MSRA: variants seen among roughly 807,000 people sequenced by gnomAD.
MSRA encodes methionine sulfoxide reductase A.
A neutral mutation model predicts 31.3 loss-of-function variants in MSRA; 54 were observed. The observed-to-expected ratio is 1.73, with a 90% CI of 1.39 to 2.17. The LOEUF is 2.17. Ranked by LOEUF, MSRA falls within the 30% of genes most tolerant of loss-of-function variation. The pLI is 0.00. For synonymous variants in MSRA, 169 were observed against 116.5 expected (o/e 1.45, Z -2.90); for missense variants, 507 against 300.9 (o/e 1.69, Z -5.07).
At chr8:10,095,219 A>G (rs1449534840) in intron 1 of MSRA, among the ~76,000 whole-genome samples, 1 of 152,170 alleles carries the variant, frequency 6.6e-6, no homozygotes, top group Non-Finnish European at 1.5e-5. Flanking sequence ...GAGAAATTTG[A>G]TTTATTGCAG....
At chr8:10,119,673 G>A (rs542819377) in intron 1 of MSRA, among the ~76,000 whole-genome samples, 1 of 152,318 alleles carries the variant, frequency 6.6e-6, no homozygotes, top group Non-Finnish European at 1.5e-5. Flanking sequence ...ATGATTATTG[G>A]AGAGCACCAG....
chr8:10,080,692 ATTTT>A (rs11296564), intron 1 of MSRA, among the ~76,000 whole-genome samples: 3 of 136,474 alleles, frequency 2.2e-5, no homozygotes, highest in Admixed American at 7.3e-5. Flanking sequence ...TGCCTGGCTA[ATTTT>A]TTTTTTTTTT....
At chr8:10,261,028 T>C (rs1798452023) in intron 3 of MSRA, among the ~76,000 whole-genome samples, 1 of 152,208 alleles carries the variant, frequency 6.6e-6, no homozygotes, top group Non-Finnish European at 1.5e-5. Context: ...CAGAATGAAG[T>C]ATAAAATACA....
At chr8:10,159,809 T>C (rs1398492012) in intron 1 of MSRA, among the ~76,000 whole-genome samples, 1 of 152,232 alleles carries the variant, frequency 6.6e-6, no homozygotes, top group African/African-American at 2.4e-5. Context: ...GGTACAGTGA[T>C]AGAAAACAAT....
chr8:10,128,315 G>A (rs958788753), intron 1 of MSRA, among the ~76,000 whole-genome samples: 11 of 151,796 alleles, frequency 7.2e-5, no homozygotes, highest in African/African-American at 2.7e-4. Context: ...GGAGGCGGAG[G>A]TTGCCCTGAG....
chr8:10,215,763 T>C (rs1809934517), intron 2 of MSRA, among the ~76,000 whole-genome samples: 1 of 152,194 alleles, frequency 6.6e-6, no homozygotes, highest in Non-Finnish European at 1.5e-5. Context: ...TCTTTTGGCC[T>C]CAACTGTAAA....
In MSRA at chr8:10,413,306, C is replaced by T. The variant is rs1299034673; in HGVS notation, c.544-14842C>T. ...GTAAGGAATTCGGTGCCTAACCATT[C>T]GGTGATAATTAGCTAACCACACTGA... is the stretch of plus-strand genomic sequence containing the variant. On this transcript the variant is annotated intron_variant, in intron 5 of 5. Coordinates refer to ENST00000317173, the MANE Select transcript of MSRA (RefSeq NM_012331.5). Among the ~76,000 whole-genome samples, 5 of 152,146 alleles carry T rather than the reference C, an allele frequency of 3.3e-5. No homozygotes were observed. In the South Asian group the frequency reaches 6.2e-4, roughly 19 times the overall value.
chr8:10,062,796 A>C (rs1385724147), intron 1 of MSRA, among the ~76,000 whole-genome samples: 1 of 152,168 alleles, frequency 6.6e-6, no homozygotes, highest in Non-Finnish European at 1.5e-5. Flanking sequence ...CCAGATGAAA[A>C]TGTATGTGAT....
chr8:10,101,872 C>T (rs116256864), intron 1 of MSRA, among the ~76,000 whole-genome samples: 1,546 of 152,042 alleles, frequency 0.01, 26 homozygotes, highest in African/African-American at 0.034. Context: ...TCTCTTTGAG[C>T]TCCTGTTTCC....
chr8:10,354,929 C>T (rs1448883389), intron 5 of MSRA, among the ~76,000 whole-genome samples: 1 of 152,110 alleles, frequency 6.6e-6, no homozygotes, highest in East Asian at 1.9e-4. Context: ...GATGAGCATA[C>T]TTACAGCTGA....
chr8:10,277,202 G>C lies in MSRA; in HGVS notation c.332-24332G>C, dbSNP rs577042868. Among the ~76,000 whole-genome samples, 5 of 152,290 alleles carry C rather than the reference G, an allele frequency of 3.3e-5. No individual in the cohort carries two copies. In the South Asian group the frequency reaches 1.0e-3, roughly 32 times the overall value. On this transcript the variant is annotated intron_variant, in intron 3 of 5. Coordinates refer to ENST00000317173, the MANE Select transcript of MSRA (RefSeq NM_012331.5). Reference sequence around the variant, plus strand: ...AATTTATCCTGGCAAACTTAAGACAGTAATAATCTAAGTCTCGTATCTTTT... The same window carrying C: ...AATTTATCCTGGCAAACTTAAGACACTAATAATCTAAGTCTCGTATCTTTT...
chr8:10,186,599 T>C (rs1247330246), intron 1 of MSRA, among the ~76,000 whole-genome samples: 1 of 152,220 alleles, frequency 6.6e-6, no homozygotes, highest in Non-Finnish European at 1.5e-5. Flanking sequence ...AATTGAGTAG[T>C]AATCCTTTAC....
chr8:10,265,911 C>G (rs1050433769), intron 3 of MSRA, among the ~76,000 whole-genome samples: 1 of 152,212 alleles, frequency 6.6e-6, no homozygotes, highest in African/African-American at 2.4e-5. Flanking sequence ...TTTTGAGATG[C>G]ATCCATGTTC....
chr8:10,425,933 C>G (rs916346723), intron 5 of MSRA, among the ~76,000 whole-genome samples: 5 of 152,116 alleles, frequency 3.3e-5, no homozygotes, highest in African/African-American at 1.2e-4. Context: ...AGGCCCTCAC[C>G]GTGCCTTTTT....
chr8:10,172,711 T>C (rs1805699965), intron 1 of MSRA, among the ~76,000 whole-genome samples: 1 of 152,088 alleles, frequency 6.6e-6, no homozygotes, highest in African/African-American at 2.4e-5. Flanking sequence ...ATGATGGGGA[T>C]AGTGGACTCA....
intron 1 of MSRA, among the ~76,000 whole-genome samples, chr8:10,173,360 A>T (rs926225189): frequency 6.6e-6 from 1 of 152,254 alleles, no homozygotes; most frequent in Non-Finnish European, 1.5e-5. Flanking sequence ...CTGGTGAAGA[A>T]TCTGGGGGTG....
chr8:10,335,250 G>GTTTTTTTTTTTTTTTTTT (rs1170264568), intron 5 of MSRA, among the ~76,000 whole-genome samples: 8 of 79,874 alleles, frequency 1.0e-4, no homozygotes, highest in Non-Finnish European at 1.6e-4. Context: ...TCCCAGCTCT[G>GTTTTTTTTTTTTTTTTTT]TTTTTTTTTT....
rs188386192 is a variant in MSRA at position 10,101,609 on chromosome 8, G to C, written c.142+46951G>C. On this transcript the variant is annotated intron_variant, in intron 1 of 5. Coordinates refer to ENST00000317173, the MANE Select transcript of MSRA (RefSeq NM_012331.5). ...TGTCTCTATGAATTTGACTACTTCA[G>C]GTACCTCATATAAGTGGAATCATAC... Among the ~76,000 whole-genome samples the C allele has an allele frequency of 1.2e-3, 179 of 152,258 alleles. 1 individual carries two copies. In the Middle Eastern group the frequency reaches 0.017, roughly 14 times the overall value.
chr8:10,163,344 C>A (rs114510064), intron 1 of MSRA, among the ~76,000 whole-genome samples: 5,649 of 152,270 alleles, frequency 0.037, 249 homozygotes, highest in South Asian at 0.11. Context: ...CGGTCACCTT[C>A]CATTGTCTTC....
Sources: allele counts gnomAD v4.1 joint callset (sites outside exome capture counted in the v4.1 genomes callset), GRCh38; gene constraint gnomAD v4.1.1; transcripts MANE v1.5; gene names NCBI Gene and HGNC (gene_info 2026-07-23, HGNC 2026-07-21).